Variants in CIT observed in about 807,000 individuals in gnomAD.
CIT encodes the protein citron Rho-interacting kinase.
In CIT, 79 loss-of-function variants were observed where a neutral mutation model predicts 272.7. That is an observed-to-expected ratio of 0.29 (90% confidence interval 0.24 to 0.35). The LOEUF (loss-of-function observed/expected upper bound fraction) is 0.35, where lower values mean the gene tolerates loss of function less well. Among genes scored for constraint, CIT ranks in the 10% least tolerant of loss-of-function variants. The pLI is 1.00. For synonymous variants in CIT, 948 were observed against 995.6 expected, an observed-to-expected ratio of 0.95 and a Z score of 0.90; for missense variants, 1,909 against 2,618.3, an observed-to-expected ratio of 0.73 and a Z score of 5.91.
At chr12:119,861,528 A>T (rs1217221320) in intron 3 of CIT, among the ~76,000 whole-genome samples, 2 of 152,036 alleles carry the variant, frequency 1.3e-5, no homozygotes, top group African/African-American at 2.4e-5. Flanking sequence ...CAGAGGTTGC[A>T]GTGAGCCGAG....
At chr12:119,812,094 T>C (rs1219468677) in intron 9 of CIT, among the ~76,000 whole-genome samples, 1 of 151,522 alleles carries the variant, frequency 6.6e-6, no homozygotes, top group African/African-American at 2.4e-5. Context: ...TACAAGCACC[T>C]GCCACCATGC....
chr12:119,717,496 C>T (rs1392128525), intron 32 of CIT, among the ~76,000 whole-genome samples: 2 of 144,274 alleles, frequency 1.4e-5, no homozygotes, highest in Admixed American at 1.4e-4. Context: ...TCTCGGCTCA[C>T]TGCAACCTCC....
chr12:119,746,352 T>C (rs1013738201), intron 23 of CIT, among the ~76,000 whole-genome samples: 20 of 152,316 alleles, frequency 1.3e-4, no homozygotes, highest in African/African-American at 4.6e-4. Context: ...ACATGTTTGT[T>C]TCTAATGTGT....
Position 119,690,323 on chromosome 12 carries a change from C to A in CIT, c.6014G>T (p.Arg2005Leu). The A allele has an allele frequency of 6.3e-7, 1 of 1,596,020 alleles. No homozygotes were observed. The highest frequency in any genetic ancestry group is 8.5e-7 in the Non-Finnish European group (1 of 1,177,854). ...PSTPHRYREG[R>L]TELRRDKSPG... The stretch of plus-strand genomic sequence containing the variant: ...AGACTTGTCCCTGCGCAGCTCGGTC[C>A]GCCCCTCGCGGTAGCGGTGGGGTGT... Residue 2005 changes from arginine (R) to leucine (L), a missense_variant, in exon 47 of 48, where the codon CGG becomes CTG. Coordinates refer to ENST00000392521, the MANE Select transcript of CIT (RefSeq NM_001206999.2). The surrounding 1 kb of genome is among the most constrained non-coding windows in gnomAD (Gnocchi z 6.0).
chr12:119,819,127 T>G (rs1967462577), intron 9 of CIT, among the ~76,000 whole-genome samples: 1 of 152,054 alleles, frequency 6.6e-6, no homozygotes, highest in East Asian at 1.9e-4. Flanking sequence ...AACCCCCCAC[T>G]GAAACTTGGA....
At chr12:119,862,148 C>T (rs188707296) in intron 3 of CIT, among the ~76,000 whole-genome samples, 1 of 152,112 alleles carries the variant, frequency 6.6e-6, no homozygotes, top group Admixed American at 6.6e-5. Flanking sequence ...CTACAGGTGC[C>T]CACCACACCC....
At chr12:119,857,879 G>A (rs187264459) in intron 3 of CIT, among the ~76,000 whole-genome samples, 181 bp from the exon 4 acceptor site, 1 of 152,294 alleles carries the variant, frequency 6.6e-6, no homozygotes, top group African/African-American at 2.4e-5. Context: ...TATATGTTAA[G>A]TTAAAATTAA....
Position 119,785,058 on chromosome 12 carries a change from C to A in CIT, c.1303G>T (p.Val435Leu), listed in dbSNP as rs1447348578. ...LGILGRSESV[V>L]SGLDSPAKTS... ...TTGGCAGGGGAGTCCAGACCCGACA[C>A]AACAGACCTAGGTAGAGAAAAACCA... Residue 435 changes from valine (V) to leucine (L), a missense_variant, in exon 11 of 48, where the codon GTG becomes TTG. By Grantham distance (32) the Val-to-Leu change is conservative. This residue lies in a region of CIT where 529 missense variants were observed against 549.6 expected (regional missense o/e 0.96). Coordinates refer to ENST00000392521, the MANE Select transcript of CIT (RefSeq NM_001206999.2). 7 of 1,614,052 alleles carry A rather than the reference C, an allele frequency of 4.3e-6. No homozygotes were observed. The highest frequency in any genetic ancestry group is 5.9e-6 in the Non-Finnish European group (7 of 1,180,020).
intron 9 of CIT, among the ~76,000 whole-genome samples, chr12:119,809,449 C>T (rs1295729141): frequency 6.6e-6 from 1 of 151,546 alleles, no homozygotes; most frequent in Non-Finnish European, 1.5e-5. Context: ...TATATATATA[C>T]ATATATATAG....
At chr12:119,689,948 G>C (rs2136906899) in intron 47 of CIT, among the ~76,000 whole-genome samples, 1 of 152,246 alleles carries the variant, frequency 6.6e-6, no homozygotes, top group Admixed American at 6.5e-5. Context: ...CAAAGTGCTG[G>C]GATTGCAGGC....
intron 41 of CIT, among the ~76,000 whole-genome samples, chr12:119,703,617 G>T (rs552388469): frequency 1.3e-5 from 2 of 151,900 alleles, no homozygotes; most frequent in African/African-American, 4.8e-5. Context: ...GTAGAGACAG[G>T]GTTTCACCAT....
chr12:119,795,608 A>G (rs1965668547), intron 10 of CIT, among the ~76,000 whole-genome samples: 1 of 152,186 alleles, frequency 6.6e-6, no homozygotes, highest in Non-Finnish European at 1.5e-5. Context: ...TACCTTTACT[A>G]TTAGACAAGT....
chr12:119,834,265 C>G (rs767500976), intron 5 of CIT, 37 bp from the exon 6 acceptor site: 2 of 1,543,120 alleles, frequency 1.3e-6, no homozygotes, highest in Non-Finnish European at 1.7e-6. Flanking sequence ...TCTTCACACA[C>G]CCAAAAATAG....
At chr12:119,727,410 G>A (rs1237052658) in intron 28 of CIT, among the ~76,000 whole-genome samples, 1 of 152,162 alleles carries the variant, frequency 6.6e-6, no homozygotes, top group Non-Finnish European at 1.5e-5. Flanking sequence ...CTATGAGTAT[G>A]AAGGCATACA....
At chr12:119,741,686 A>C (rs1157017963) in intron 24 of CIT, among the ~76,000 whole-genome samples, 1 of 152,174 alleles carries the variant, frequency 6.6e-6, no homozygotes, top group Non-Finnish European at 1.5e-5. Context: ...AGGACTAAGA[A>C]GGTAATAAAG....
chr12:119,753,288 C>T (rs1190433247), intron 22 of CIT, among the ~76,000 whole-genome samples: 1 of 152,240 alleles, frequency 6.6e-6, no homozygotes, highest in East Asian at 1.9e-4. Context: ...TTCAGAGGGT[C>T]GGAGAAGGCT....
intron 4 of CIT, among the ~76,000 whole-genome samples, chr12:119,854,681 T>G (rs1337652093): frequency 6.6e-6 from 1 of 151,668 alleles, no homozygotes; most frequent in African/African-American, 2.4e-5. Flanking sequence ...CCGGGCACGG[T>G]GGCTCACGCC....
In CIT at chr12:119,784,886, C is replaced by G; in HGVS notation, c.1401+74G>C. 6.4e-7 allele frequency: 1 copy of G among 1,566,196 alleles called. No individual in the cohort carries two copies. The highest frequency in any genetic ancestry group is 8.7e-7 in the Non-Finnish European group (1 of 1,155,838). On this transcript the variant is annotated intron_variant, in intron 11 of 47. Coordinates refer to ENST00000392521, the MANE Select transcript of CIT (RefSeq NM_001206999.2). This position sits in a 1 kb window ranked among gnomAD's most constrained non-coding sequence, Gnocchi z 4.7. ...GGCGGCTCAGAGCCAGCAGCGGCCC[C>G]GGGCGGATCCCTTGGCATATACGGA... is the stretch of plus-strand genomic sequence containing the variant.
intron 15 of CIT, 117 bp downstream of exon 15, chr12:119,776,241 A>G: frequency 1.3e-6 from 1 of 798,866 alleles, no homozygotes; most frequent in East Asian, 2.4e-5. Flanking sequence ...AGCCTCGAAG[A>G]GAGGTCTCTA....
Sources: allele counts gnomAD v4.1 joint callset (sites outside exome capture counted in the v4.1 genomes callset), GRCh38; gene constraint gnomAD v4.1.1; regional missense constraint gnomAD v4.1.1; non-coding constraint Gnocchi (gnomAD v3.1); transcripts MANE v1.5; gene names NCBI Gene and HGNC (gene_info 2026-07-23, HGNC 2026-07-21).